PM20D2: variants seen among roughly 807,000 people sequenced by gnomAD.
PM20D2 encodes xaa-Arg dipeptidase.
Under a neutral mutation model 42.9 loss-of-function variants are expected in PM20D2, and 33 were observed. The observed-to-expected ratio is 0.77, with a 90% CI of 0.58 to 1.03. The LOEUF (loss-of-function observed/expected upper bound fraction) is 1.03. PM20D2 is among the 50% of genes least tolerant of loss of function. The probability of loss-of-function intolerance (pLI) is 0.00; values close to 1 mark genes in which losing one functional copy is unlikely to be tolerated. For synonymous variants in PM20D2, 250 were observed against 228.2 expected (o/e 1.10, Z -0.86); for missense variants, 548 against 557.0 (o/e 0.98, Z 0.16).
chr6:89,116,496 C>T, the PM20D2 span, among the ~76,000 whole-genome samples: 1 of 152,064 alleles, frequency 6.6e-6, no homozygotes. Flanking sequence ...AATACTTGGC[C>T]GGGCACGGTG....
the PM20D2 span, chr6:89,104,988 C>G: frequency 1.1e-6 from 1 of 876,766 alleles, no homozygotes; most frequent in Non-Finnish European, 1.6e-6. Context: ...TCTAGGAGGT[C>G]AAGTCTACAG....
chr6:89,107,510 A>G, the PM20D2 span, among the ~76,000 whole-genome samples: 16 of 152,276 alleles, frequency 1.1e-4, 2 homozygotes, highest in Admixed American at 3.9e-4. Flanking sequence ...TATGTGGATC[A>G]CTTGAACCCA....
chr6:89,162,059 A>G, intron 6 of PM20D2, 50 bp from the exon 7 acceptor site: 1 of 1,581,886 alleles, frequency 6.3e-7, no homozygotes, highest in Non-Finnish European at 8.6e-7. Context: ...CTGTGAAATT[A>G]AATACAGCTT....
Position 89,154,754 on chromosome 6 carries a change from T to G in PM20D2, c.764T>G (p.Ile255Arg). 1 of 1,535,626 alleles carries G rather than the reference T, an allele frequency of 6.5e-7. No homozygotes were observed. The highest frequency in any genetic ancestry group is 8.8e-7 in the Non-Finnish European group (1 of 1,139,056). Residue 255 changes from isoleucine to arginine, a missense_variant, in exon 4 of 7, where the codon ATA (isoleucine) becomes AGA (arginine). This residue lies in a region of PM20D2 where 470 missense variants were observed against 464.4 expected (regional missense o/e 1.01). Coordinates refer to ENST00000275072, the MANE Select transcript of PM20D2 (RefSeq NM_001010853.3). Reference sequence around the variant, plus strand: ...AATTTGGTTCTTTTTATAGGTATAATAAAAAATGGTGGTGTAAAACCCAAT... The same window carrying G: ...AATTTGGTTCTTTTTATAGGTATAAGAAAAAATGGTGGTGTAAAACCCAAT... ...MKPTWRVHGI[I>R]KNGGVKPNII...
the PM20D2 span, chr6:89,098,414 A>G: frequency 1.1e-6 from 1 of 875,372 alleles, no homozygotes; most frequent in Non-Finnish European, 1.6e-6. Context: ...TTAAATGGAG[A>G]CCAAATTTTT....
chr6:89,149,486 G>C (rs1770755259), intron 2 of PM20D2, 73 bp downstream of exon 2: 1 of 1,493,508 alleles, frequency 6.7e-7, no homozygotes, highest in Non-Finnish European at 9.1e-7. Flanking sequence ...CTAAACCAGA[G>C]ACGAAAACTC....
intron 6 of PM20D2, 102 bp downstream of exon 6, chr6:89,161,992 G>A: frequency 6.8e-7 from 1 of 1,481,106 alleles, no homozygotes; most frequent in Non-Finnish European, 9.4e-7. Flanking sequence ...CATCACCTCA[G>A]TAAATACTGC....
the PM20D2 span, among the ~76,000 whole-genome samples, chr6:89,101,257 A>G: frequency 2.7e-4 from 41 of 152,366 alleles, no homozygotes; most frequent in African/African-American, 9.4e-4. Context: ...GCCAGAGGAA[A>G]GACTGAATAA....
chr6:89,133,615 A>G, the PM20D2 span, among the ~76,000 whole-genome samples: 4 of 151,164 alleles, frequency 2.6e-5, no homozygotes, highest in Non-Finnish European at 5.9e-5. Flanking sequence ...CTGGTCAAAG[A>G]CATGTAAAGA....
chr6:89,141,093 C>T (rs1316518853), upstream of PM20D2, among the ~76,000 whole-genome samples: 5 of 152,146 alleles, frequency 3.3e-5, no homozygotes, highest in Admixed American at 2.6e-4. Context: ...CTCTGCTGGT[C>T]TCCTCCTGGA....
chr6:89,159,570 T>A (rs2127781578), intron 5 of PM20D2, among the ~76,000 whole-genome samples: 1 of 152,344 alleles, frequency 6.6e-6, no homozygotes, highest in Non-Finnish European at 1.5e-5. Flanking sequence ...TGAAGACTAT[T>A]CTTTTTCAAG....
chr6:89,111,098 G>A, the PM20D2 span, among the ~76,000 whole-genome samples: 1 of 150,650 alleles, frequency 6.6e-6, no homozygotes, highest in East Asian at 1.9e-4. Flanking sequence ...GGAAGACAGG[G>A]TGAGACTTGT....
chr6:89,121,669 T>C, the PM20D2 span, among the ~76,000 whole-genome samples: 71 of 152,340 alleles, frequency 4.7e-4, no homozygotes, highest in Non-Finnish European at 8.1e-4. Flanking sequence ...TTAATGTTTT[T>C]CTTAAATTGC....
At chr6:89,113,170 A>C in the PM20D2 span, among the ~76,000 whole-genome samples, 3 of 151,966 alleles carry the variant, frequency 2.0e-5, no homozygotes, top group Non-Finnish European at 4.4e-5. Context: ...TTAACATTTT[A>C]TCCCAATGAT....
upstream of PM20D2, among the ~76,000 whole-genome samples, chr6:89,141,761 G>C (rs1367475828): frequency 6.6e-6 from 1 of 152,078 alleles, no homozygotes; most frequent in Non-Finnish European, 1.5e-5. Flanking sequence ...TTCTGATCTT[G>C]TCTCTCTCCT....
At chr6:89,130,509 T>G in the PM20D2 span, among the ~76,000 whole-genome samples, 16 of 152,232 alleles carry the variant, frequency 1.1e-4, no homozygotes, top group Admixed American at 4.6e-4. Context: ...AATCTAGATA[T>G]AAAACACCTT....
the PM20D2 span, among the ~76,000 whole-genome samples, chr6:89,112,806 T>C: frequency 0.063 from 9,531 of 152,228 alleles, 864 homozygotes; most frequent in African/African-American, 0.2. Flanking sequence ...ATGAACCATA[T>C]ATATCATGGT....
At chr6:89,108,339 G>A in the PM20D2 span, among the ~76,000 whole-genome samples, 1 of 152,210 alleles carries the variant, frequency 6.6e-6, no homozygotes, top group Non-Finnish European at 1.5e-5. Context: ...GTTATTTACA[G>A]ATGATACAGA....
chr6:89,101,616 TGAA>T, the PM20D2 span, among the ~76,000 whole-genome samples: 1 of 151,928 alleles, frequency 6.6e-6, no homozygotes. Context: ...GAGAATCGCT[TGAA>T]TCTGGGAGGC....
Sources: allele counts gnomAD v4.1 joint callset (sites outside exome capture counted in the v4.1 genomes callset), GRCh38; gene constraint gnomAD v4.1.1; regional missense constraint gnomAD v4.1.1; transcripts MANE v1.5; gene names NCBI Gene and HGNC (gene_info 2026-07-23, HGNC 2026-07-21).